The following SULF2 variants were observed in gnomAD, a reference collection of about 807,000 sequenced individuals.
The protein encoded by SULF2 is sulfatase 2, also known as extracellular sulfatase Sulf-2.
A neutral mutation model predicts 107.7 loss-of-function variants in SULF2; 52 were observed. The ratio of observed to expected loss-of-function variants is 0.48; its 90% CI spans 0.39 to 0.61. The LOEUF is 0.61. Ranked by LOEUF, SULF2 falls within the 20% of genes least tolerant of loss-of-function variation. SULF2 has a pLI of 0.00. For synonymous variants in SULF2, 460 were observed against 464.3 expected (o/e 0.99, Z 0.12); for missense variants, 993 against 1,177.3 (o/e 0.84, Z 2.29).
intron 2 of SULF2, among the ~76,000 whole-genome samples, chr20:47,753,057 C>A (rs1431023434): frequency 7.2e-6 from 1 of 139,102 alleles, no homozygotes; most frequent in Non-Finnish European, 1.5e-5. Flanking sequence ...GCCGAGATTG[C>A]GCCACTGTAC....
chr20:47,772,368 GCCAAATGTCCCCC>G (rs2090646892), intron 1 of SULF2, among the ~76,000 whole-genome samples: 1 of 152,214 alleles, frequency 6.6e-6, no homozygotes. Context: ...TCCAGACACT[GCCAAATGTCCCCC>G]TAGGGGGCAA....
At position 47,680,459 on chromosome 20, in the gene SULF2, C is replaced by T. The variant is rs2087786669; in HGVS notation, c.1065-1655G>A. ...GGGTAAGGGACTTAAGGGGTGTGCC[C>T]AGCACAGGACCCAGGACCTGTTGAA... On this transcript the variant is annotated intron_variant, in intron 7 of 20. Transcript: ENST00000688720. This position sits in a 1 kb window ranked among gnomAD's most constrained non-coding sequence, Gnocchi z 4.2. Among the ~76,000 whole-genome samples the T allele has an allele frequency of 2.0e-5, 3 of 152,216 alleles. No individual in the cohort carries two copies. The highest frequency in any genetic ancestry group is 2.0e-4 in the Admixed American group (3 of 15,286).
At chr20:47,721,178 C>G (rs139962339) in intron 3 of SULF2, among the ~76,000 whole-genome samples, 1 of 151,934 alleles carries the variant, frequency 6.6e-6, no homozygotes. Flanking sequence ...AATCACTGCA[C>G]GAAGTGATAA....
intron 2 of SULF2, among the ~76,000 whole-genome samples, chr20:47,750,483 G>C (rs2090136527): frequency 6.6e-6 from 1 of 152,166 alleles, no homozygotes; most frequent in African/African-American, 2.4e-5. Context: ...ATCATCTCAT[G>C]CCTGGACCAT....
intron 3 of SULF2, among the ~76,000 whole-genome samples, chr20:47,714,082 G>A (rs991988858): frequency 6.6e-6 from 1 of 152,200 alleles, no homozygotes; most frequent in Non-Finnish European, 1.5e-5. Flanking sequence ...AGAGGTCGGC[G>A]AAAGATGAAG....
chr20:47,709,711 A>G (rs534623471), intron 3 of SULF2, among the ~76,000 whole-genome samples: 1 of 152,174 alleles, frequency 6.6e-6, no homozygotes, highest in Non-Finnish European at 1.5e-5. Flanking sequence ...GGGATACATA[A>G]CTGAAGCTGC....
chr20:47,772,552 CCTT>C (rs1309550443), intron 1 of SULF2, among the ~76,000 whole-genome samples: 1 of 152,170 alleles, frequency 6.6e-6, no homozygotes, highest in Non-Finnish European at 1.5e-5. Context: ...GCGATTCCCT[CCTT>C]GATGACCCAG....
chr20:47,785,310 C>T (rs1286196007), intron 1 of SULF2, 33 bp downstream of exon 1: 3 of 147,964 alleles, frequency 2.0e-5, no homozygotes, highest in African/African-American at 4.9e-5. Context: ...CCGCGTCCCC[C>T]AGCCACCCAC....
intron 2 of SULF2, among the ~76,000 whole-genome samples, chr20:47,750,295 T>C (rs2090133343): frequency 6.6e-6 from 1 of 152,180 alleles, no homozygotes; most frequent in South Asian, 2.1e-4. Context: ...CTTCTAACCA[T>C]GGTTTTCCCC....
chr20:47,709,614 C>G (rs1405633723), intron 3 of SULF2, among the ~76,000 whole-genome samples: 1 of 152,190 alleles, frequency 6.6e-6, no homozygotes, highest in African/African-American at 2.4e-5. Context: ...GTGACCCAAG[C>G]TGGGCCAACT....
At chr20:47,687,310 G>C (rs2088040886) in intron 5 of SULF2, among the ~76,000 whole-genome samples, 1 of 152,218 alleles carries the variant, frequency 6.6e-6, no homozygotes, top group African/African-American at 2.4e-5. Context: ...GGCTCCCCCA[G>C]GGAGGATGTC....
At position 47,694,840 on chromosome 20, in the gene SULF2, C is replaced by A. The variant is rs2088321021; in HGVS notation, c.568-4545G>T. ...ACAACTCGTAATGAATGATCATAGGCTCTTCATGTTATCAAATACCTTAGC... is the reference window on the plus strand; with the variant it reads ...ACAACTCGTAATGAATGATCATAGGATCTTCATGTTATCAAATACCTTAGC... On this transcript the variant is annotated intron_variant, in intron 4 of 20. Transcript: ENST00000688720. The surrounding 1 kb of genome is among the most constrained non-coding windows in gnomAD (Gnocchi z 4.4). Among the ~76,000 whole-genome samples the A allele has an allele frequency of 6.6e-6, 1 of 152,240 alleles. No homozygotes were observed. The highest frequency in any genetic ancestry group is 1.5e-5 in the Non-Finnish European group (1 of 68,034).
At chr20:47,691,789 A>G (rs186308706) in intron 4 of SULF2, among the ~76,000 whole-genome samples, 7 of 152,340 alleles carry the variant, frequency 4.6e-5, no homozygotes, top group South Asian at 2.1e-4. Context: ...ACTGACTTAC[A>G]TATTGGGCAA....
intron 4 of SULF2, among the ~76,000 whole-genome samples, chr20:47,691,136 C>G (rs1466650007): frequency 6.6e-6 from 1 of 152,158 alleles, no homozygotes; most frequent in East Asian, 1.9e-4. Context: ...TTTCAAGGCT[C>G]TGGGGACACT....
At chr20:47,785,180 C>T (rs2090902327) in intron 1 of SULF2, among the ~76,000 whole-genome samples, 163 bp downstream of exon 1, 1 of 149,400 alleles carries the variant, frequency 6.7e-6, no homozygotes, top group Non-Finnish European at 1.5e-5. Flanking sequence ...GACCCACCTC[C>T]GCAAGCAGCG....
intron 1 of SULF2, among the ~76,000 whole-genome samples, chr20:47,781,509 T>C (rs1162945904): frequency 2.0e-5 from 3 of 152,100 alleles, no homozygotes; most frequent in African/African-American, 7.2e-5. Context: ...GAGGGAACCA[T>C]GGGGCTCAGG....
intron 20 of SULF2, among the ~76,000 whole-genome samples, chr20:47,658,767 T>C (rs2146367309): frequency 6.6e-6 from 1 of 152,316 alleles, no homozygotes. Context: ...AGGTTGCAAG[T>C]GGCAGTTCAC....
At chr20:47,659,534 G>GTC (rs2086998746) in intron 19 of SULF2, 82 bp from the exon 20 acceptor site, 2 of 1,485,410 alleles carry the variant, frequency 1.3e-6, no homozygotes, top group Non-Finnish European at 1.9e-6. Context: ...TACAAAGAAG[G>GTC]TCTCCTAGGT....
chr20:47,783,464 A>G (rs2090867423), intron 1 of SULF2, among the ~76,000 whole-genome samples: 1 of 152,236 alleles, frequency 6.6e-6, no homozygotes, highest in African/African-American at 2.4e-5. Context: ...GAAACTGCAT[A>G]TCAACTGGGT....
Sources: gnomAD v4.1 joint callset for allele counts (sites outside exome capture counted in the v4.1 genomes callset) on GRCh38, gnomAD v4.1.1 for gene constraint, Gnocchi (gnomAD v3.1) non-coding constraint, MANE v1.5 for transcripts, NCBI Gene and HGNC (gene_info 2026-07-23, HGNC 2026-07-21) for gene names.